The following STXBP5L variants were observed in gnomAD, a reference collection of about 807,000 sequenced individuals.
STXBP5L encodes the protein syntaxin binding protein 5L.
A neutral mutation model predicts 144.5 loss-of-function variants in STXBP5L; 65 were observed. The observed-to-expected ratio is 0.45, with a 90% CI of 0.37 to 0.55. STXBP5L has a LOEUF of 0.55. Among genes scored for constraint, STXBP5L ranks in the 20% least tolerant of loss-of-function variants. STXBP5L has a pLI of 0.00. For synonymous variants in STXBP5L, 505 were observed against 469.6 expected (o/e 1.08, Z -0.97); for missense variants, 1,298 against 1,405.5 (o/e 0.92, Z 1.22).
At chr3:121,139,516 CT>C (rs1425627112) in intron 7 of STXBP5L, among the ~76,000 whole-genome samples, 1 of 152,050 alleles carries the variant, frequency 6.6e-6, no homozygotes, top group Non-Finnish European at 1.5e-5. Flanking sequence ...GTGTTCAAAC[CT>C]AGGCAATGTG....
intron 2 of STXBP5L, among the ~76,000 whole-genome samples, chr3:120,911,200 G>C (rs1189508692): frequency 2.0e-5 from 3 of 152,110 alleles, no homozygotes; most frequent in African/African-American, 7.2e-5. Context: ...GCATTGGGCT[G>C]TTGAGGTCAT....
At chr3:121,374,604 T>C (rs1468346146) in intron 20 of STXBP5L, among the ~76,000 whole-genome samples, 1 of 151,790 alleles carries the variant, frequency 6.6e-6, no homozygotes, top group Non-Finnish European at 1.5e-5. Context: ...AACAAAGAGA[T>C]AGATATCATA....
At chr3:121,321,429 T>C (rs568655318) in intron 20 of STXBP5L, among the ~76,000 whole-genome samples, 15 of 152,194 alleles carry the variant, frequency 9.9e-5, no homozygotes, top group Admixed American at 9.2e-4. Flanking sequence ...TATTAGAGGG[T>C]CATTTAAAGG....
rs555219703 is a variant in STXBP5L at position 121,267,955 on chromosome 3, C to T, written c.1958+8787C>T. Among the ~76,000 whole-genome samples the T allele has an allele frequency of 7.2e-5, 11 of 152,152 alleles. No homozygotes were observed. In the South Asian group the frequency reaches 8.3e-4, roughly 11 times the overall value. The stretch of plus-strand genomic sequence containing the variant: ...GAAATAGGAACGCTTTTACACTGTT[C>T]GTGGCAGTGTAAATTTGTTCAACCA... On this transcript the variant is annotated intron_variant, in intron 18 of 26. Coordinates refer to ENST00000471454, the MANE Select transcript of STXBP5L (RefSeq NM_001308330.2).
chr3:121,148,726 CTATT>C, intron 7 of STXBP5L, among the ~76,000 whole-genome samples: 1 of 152,010 alleles, frequency 6.6e-6, no homozygotes, highest in Non-Finnish European at 1.5e-5. Flanking sequence ...TTGGCAGTAT[CTATT>C]AAAGTTAAAC....
intron 20 of STXBP5L, among the ~76,000 whole-genome samples, chr3:121,345,958 T>TTTA (rs1323940934): frequency 1.3e-5 from 2 of 152,036 alleles, no homozygotes; most frequent in Non-Finnish European, 1.5e-5. Flanking sequence ...TTCTTTTTAT[T>TTTA]TTATTATTAT....
At chr3:121,295,623 C>T (rs547279083) in intron 19 of STXBP5L, among the ~76,000 whole-genome samples, 7 of 152,188 alleles carry the variant, frequency 4.6e-5, no homozygotes, top group South Asian at 2.1e-4. Context: ...TAATAGTAAT[C>T]TCATCGTGAG....
intron 24 of STXBP5L, 39 bp downstream of exon 24, chr3:121,413,362 ATGGT>A: frequency 6.8e-7 from 1 of 1,479,330 alleles, no homozygotes; most frequent in African/African-American, 1.4e-5. Context: ...GACATTGGAC[ATGGT>A]TGAGAGAATG....
chr3:121,078,167 C>T (rs568505776), intron 5 of STXBP5L, among the ~76,000 whole-genome samples: 1 of 152,024 alleles, frequency 6.6e-6, no homozygotes, highest in Non-Finnish European at 1.5e-5. Context: ...TTCACAAACC[C>T]TGAACTAGAC....
intron 20 of STXBP5L, among the ~76,000 whole-genome samples, chr3:121,333,925 A>T (rs1218965831): frequency 6.6e-6 from 1 of 152,088 alleles, no homozygotes; most frequent in Non-Finnish European, 1.5e-5. Context: ...CCCAGATCTC[A>T]TCTTGAATTG....
At chr3:120,915,483 A>G (rs1709058827) in intron 2 of STXBP5L, among the ~76,000 whole-genome samples, 1 of 152,076 alleles carries the variant, frequency 6.6e-6, no homozygotes, top group Admixed American at 6.5e-5. Flanking sequence ...TTTCAAATTG[A>G]GTTTGTTTTT....
intron 5 of STXBP5L, among the ~76,000 whole-genome samples, chr3:121,077,591 G>A (rs1012196693): frequency 1.3e-5 from 2 of 152,130 alleles, no homozygotes; most frequent in African/African-American, 4.8e-5. Context: ...TGAGCGGGTT[G>A]CCACTGCTGG....
At chr3:121,263,203 C>A (rs1168485129) in intron 18 of STXBP5L, among the ~76,000 whole-genome samples, 1 of 152,206 alleles carries the variant, frequency 6.6e-6, no homozygotes, top group Non-Finnish European at 1.5e-5. Flanking sequence ...ACCCAGCAAA[C>A]TCCAGCAGAC....
intron 2 of STXBP5L, among the ~76,000 whole-genome samples, chr3:120,942,583 C>A (rs1369222848): frequency 6.7e-6 from 1 of 149,668 alleles, no homozygotes; most frequent in Non-Finnish European, 1.5e-5. Context: ...AATTTCCTCC[C>A]TTTTTTTTTG....
At chr3:121,220,012 G>A (rs187658464) in intron 10 of STXBP5L, among the ~76,000 whole-genome samples, 1 of 151,736 alleles carries the variant, frequency 6.6e-6, no homozygotes, top group African/African-American at 2.4e-5. Flanking sequence ...TTTTCTTTTG[G>A]TGTACAGTTT....
At chr3:120,975,098 A>G (rs1029102668) in intron 3 of STXBP5L, among the ~76,000 whole-genome samples, 1 of 152,110 alleles carries the variant, frequency 6.6e-6, no homozygotes, top group African/African-American at 2.4e-5. Context: ...TGGTAGTTTG[A>G]TGGGGATGGC....
At chr3:121,049,727 C>T (rs1947807788) in intron 5 of STXBP5L, 1 of 154,246 alleles carries the variant, frequency 6.5e-6, no homozygotes, top group South Asian at 2.0e-4. Flanking sequence ...AGTTACTCTT[C>T]AGCCACATGG....
At chr3:121,280,106 G>C (rs1402597836) in intron 19 of STXBP5L, 150 bp downstream of exon 19, 1 of 1,000,294 alleles carries the variant, frequency 1.0e-6, no homozygotes, top group South Asian at 1.7e-5. Flanking sequence ...AAAATAAATT[G>C]GGCAGAAACA....
At position 121,093,265 on chromosome 3, in the gene STXBP5L, A is replaced by G. The variant is rs570499258; in HGVS notation, c.471-21660A>G. ...GGTTTTGTCTCTGCCCGGCTTTGGT[A>G]TCAGGATGATGCTGGCCTCATAAAA... On this transcript the variant is annotated intron_variant, in intron 5 of 26. Transcript: ENST00000471454. Among the ~76,000 whole-genome samples, 12 of 152,276 alleles carry G rather than the reference A, an allele frequency of 7.9e-5. No homozygotes were observed. In the South Asian group the frequency reaches 2.3e-3, roughly 29 times the overall value.
Sources: gnomAD v4.1 joint callset for allele counts (sites outside exome capture counted in the v4.1 genomes callset) on GRCh38, gnomAD v4.1.1 for gene constraint, MANE v1.5 for transcripts, NCBI Gene and HGNC (gene_info 2026-07-23, HGNC 2026-07-21) for gene names.